EPB41L5: variants seen among roughly 807,000 people sequenced by gnomAD.
EPB41L5 encodes band 4.1-like protein 5.
A neutral mutation model predicts 106.6 loss-of-function variants in EPB41L5; 55 were observed. The observed-to-expected ratio is 0.52, with a 90% confidence interval of 0.42 to 0.65. The LOEUF is 0.65. Among genes scored for constraint, EPB41L5 ranks in the 30% least tolerant of loss-of-function variants. EPB41L5 has a pLI of 0.00. For synonymous variants in EPB41L5, 297 were observed against 306.7 expected (o/e 0.97, Z 0.33); for missense variants, 871 against 882.1 (o/e 0.99, Z 0.16).
At position 120,074,180 on chromosome 2, in the gene EPB41L5, T is replaced by A. The variant is rs1682070163; in HGVS notation, c.407+2T>A. 1 of 1,605,628 alleles carries A rather than the reference T, an allele frequency of 6.2e-7. No individual in the cohort carries two copies. Among genetic ancestry groups the A allele is most frequent in the Non-Finnish European group, 8.5e-7 (1 of 1,173,754 alleles). Reference sequence around the variant, plus strand: ...TAACCTTCGTGAGGAGCTAACCCGGTAAGAACACCATCTAGAATTGTGCCA... The same window carrying A: ...TAACCTTCGTGAGGAGCTAACCCGGAAAGAACACCATCTAGAATTGTGCCA... On this transcript the variant is annotated splice_donor_variant, in intron 5 of 24. Coordinates refer to ENST00000263713, the MANE Select transcript of EPB41L5 (RefSeq NM_020909.4). LOFTEE classifies it high-confidence loss of function.
At chr2:120,065,861 C>A (rs927535406) in intron 3 of EPB41L5, among the ~76,000 whole-genome samples, 13 of 152,116 alleles carry the variant, frequency 8.5e-5, no homozygotes, top group African/African-American at 3.1e-4. Flanking sequence ...AAATTGTTTT[C>A]TTTTTATATC....
At chr2:120,051,785 G>C (rs1680305031) in intron 3 of EPB41L5, among the ~76,000 whole-genome samples, 1 of 152,082 alleles carries the variant, frequency 6.6e-6, no homozygotes, top group African/African-American at 2.4e-5. Context: ...GGGTGATGTA[G>C]ACTGGAGCTG....
chr2:120,160,384 C>T (rs1220140010), intron 20 of EPB41L5, among the ~76,000 whole-genome samples: 2 of 152,120 alleles, frequency 1.3e-5, no homozygotes, highest in Non-Finnish European at 2.9e-5. Context: ...TTTCAGGGTA[C>T]ATGTGACAAT....
At chr2:120,131,944 A>T (rs1383356420) in intron 18 of EPB41L5, among the ~76,000 whole-genome samples, 1 of 152,208 alleles carries the variant, frequency 6.6e-6, no homozygotes, top group Non-Finnish European at 1.5e-5. Flanking sequence ...GATTTAAAAA[A>T]AAAAACACAG....
At chr2:120,020,429 A>T (rs1365370148) in intron 2 of EPB41L5, among the ~76,000 whole-genome samples, 6 of 152,228 alleles carry the variant, frequency 3.9e-5, no homozygotes, top group Non-Finnish European at 7.3e-5. Flanking sequence ...GATAAAATTA[A>T]TCAAAGACTC....
intron 14 of EPB41L5, 86 bp downstream of exon 14, chr2:120,093,362 C>T (rs1234126177): frequency 1.4e-5 from 15 of 1,104,488 alleles, no homozygotes; most frequent in Non-Finnish European, 2.1e-5. Flanking sequence ...TAAGACCTAT[C>T]AAAATGTCAA....
chr2:120,150,271 C>T (rs1457519880), intron 20 of EPB41L5, among the ~76,000 whole-genome samples: 4 of 152,000 alleles, frequency 2.6e-5, no homozygotes, highest in South Asian at 2.1e-4. Flanking sequence ...GTTGGCCATT[C>T]GTGTAACTTC....
Position 120,075,768 on chromosome 2 carries a change from T to G in EPB41L5, c.505+15T>G, listed in dbSNP as rs553332036. 3 of 1,597,392 alleles carry G rather than the reference T, an allele frequency of 1.9e-6. No homozygotes were observed. The highest frequency in any genetic ancestry group is 2.7e-5 in the African/African-American group (2 of 74,696). ...TAATCTGCAAGGTAAGCAATTCTTATGTTGACTGTTAAGACTCAAGTATAA... is the reference window on the plus strand; with the variant it reads ...TAATCTGCAAGGTAAGCAATTCTTAGGTTGACTGTTAAGACTCAAGTATAA... On this transcript the variant is annotated intron_variant, in intron 7 of 24. Transcript: ENST00000263713.
Position 120,019,201 on chromosome 2 carries a change from T to G in EPB41L5, c.117T>G (p.Ser39=), listed in dbSNP as rs745809971. The part of the protein sequence containing the change: ...AATHIPAAGD[S]KSIITCRVSL... ...CACATATTCCTGCAGCTGGAGATTC[T>G]AAGTCCATCATCACGTGTCGGGTGT... Residue 39 remains serine, a synonymous_variant, in exon 2 of 25, where the codon TCT becomes TCG. Coordinates refer to ENST00000263713, the MANE Select transcript of EPB41L5 (RefSeq NM_020909.4). 6.2e-7 allele frequency: 1 copy of G among 1,614,004 alleles called. No homozygotes were observed. The highest frequency in any genetic ancestry group is 1.3e-5 in the African/African-American group (1 of 74,906).
At chr2:120,173,071 A>G (rs1248697027) in intron 24 of EPB41L5, among the ~76,000 whole-genome samples, 1 of 152,208 alleles carries the variant, frequency 6.6e-6, no homozygotes, top group Non-Finnish European at 1.5e-5. Context: ...CTAAAAAACA[A>G]CAACAACAAA....
chr2:120,164,792 G>A (rs374574075), intron 21 of EPB41L5, 44 bp from the exon 22 acceptor site: 1 of 1,403,346 alleles, frequency 7.1e-7, no homozygotes, highest in African/African-American at 1.4e-5. Flanking sequence ...AACATCTGAT[G>A]ATAAAGGGGT....
chr2:120,026,448 G>A (rs76343125), intron 2 of EPB41L5, among the ~76,000 whole-genome samples: 7,015 of 152,102 alleles, frequency 0.046, 232 homozygotes, highest in Non-Finnish European at 0.072. Context: ...AGCTTACTGC[G>A]ATCTCTGCCT....
chr2:120,095,758 TC>T (rs1046598213), intron 14 of EPB41L5, among the ~76,000 whole-genome samples: 25 of 151,524 alleles, frequency 1.6e-4, no homozygotes, highest in African/African-American at 5.8e-4. Flanking sequence ...AACCTCCGCC[TC>T]CCAGGTTCAA....
At chr2:120,049,132 T>C (rs954812105) in intron 3 of EPB41L5, among the ~76,000 whole-genome samples, 4 of 152,234 alleles carry the variant, frequency 2.6e-5, no homozygotes, top group Non-Finnish European at 4.4e-5. Flanking sequence ...GAAGAATGTA[T>C]ATTCTGCTGA....
rs114445987 is a variant in EPB41L5 at position 120,058,572 on chromosome 2, G to A, written c.286-14606G>A. ...CAGCAGACTGTAGAGGATCAAAAAG[G>A]ATTGGTGGAGGGGATGTGGTGAAGT... On this transcript the variant is annotated intron_variant, in intron 3 of 24. Coordinates refer to ENST00000263713, the MANE Select transcript of EPB41L5 (RefSeq NM_020909.4). Among the ~76,000 whole-genome samples the A allele has an allele frequency of 4.2e-3, 645 of 152,306 alleles. 4 individuals are homozygous for A. Among genetic ancestry groups the A allele is most frequent in the African/African-American group, 0.015 (620 of 41,568 alleles).
chr2:120,141,323 C>A (rs1213290809), intron 18 of EPB41L5, among the ~76,000 whole-genome samples: 1 of 152,074 alleles, frequency 6.6e-6, no homozygotes, highest in Admixed American at 6.6e-5. Flanking sequence ...CACTTTCTTT[C>A]CCAGGTCTAT....
intron 20 of EPB41L5, among the ~76,000 whole-genome samples, chr2:120,148,959 G>A (rs938187331): frequency 1.1e-4 from 17 of 151,878 alleles, no homozygotes; most frequent in African/African-American, 3.9e-4. Flanking sequence ...CAAAATGGCC[G>A]TAACATTTTT....
At chr2:120,112,711 T>C (rs1334764626) in intron 16 of EPB41L5, among the ~76,000 whole-genome samples, 1 of 152,162 alleles carries the variant, frequency 6.6e-6, no homozygotes, top group Non-Finnish European at 1.5e-5. Flanking sequence ...GAATCAGGTT[T>C]GAGTAAAGAG....
intron 24 of EPB41L5, among the ~76,000 whole-genome samples, chr2:120,172,336 A>G (rs1687714872): frequency 6.6e-6 from 1 of 152,234 alleles, no homozygotes; most frequent in Admixed American, 6.5e-5. Flanking sequence ...GACTACACCA[A>G]GGAGCATCAT....
Sources: gnomAD v4.1 joint callset for allele counts (sites outside exome capture counted in the v4.1 genomes callset) on GRCh38, gnomAD v4.1.1 for gene constraint, MANE v1.5 for transcripts, NCBI Gene and HGNC (gene_info 2026-07-23, HGNC 2026-07-21) for gene names.